TRMT11: variants seen among roughly 807,000 people sequenced by gnomAD.
TRMT11 encodes tRNA methyltransferase 11.
A neutral mutation model predicts 62.8 loss-of-function variants in TRMT11; 53 were observed. The ratio of observed to expected loss-of-function variants is 0.84; its 90% CI spans 0.68 to 1.06. TRMT11 has a LOEUF of 1.06. TRMT11 is among the 50% of genes least tolerant of loss of function. The pLI, the probability that TRMT11 is intolerant of heterozygous loss-of-function variation, is 0.00. For missense variants in TRMT11, 556 were observed against 553.4 expected, an observed-to-expected ratio of 1.00 and a Z score of -0.05; for synonymous variants, 188 against 190.3, an observed-to-expected ratio of 0.99 and a Z score of 0.10.
chr6:126,021,073 ACATCC>A (rs1795738123), intron 11 of TRMT11, 82 bp from the exon 12 acceptor site: 1 of 1,463,384 alleles, frequency 6.8e-7, no homozygotes, highest in Non-Finnish European at 9.4e-7. Flanking sequence ...TAGTGGAAGA[ACATCC>A]CACACTACAC....
the TRMT11 span, among the ~76,000 whole-genome samples, chr6:126,240,803 A>G: frequency 3.7e-4 from 56 of 152,360 alleles, no homozygotes; most frequent in Admixed American, 6.5e-4. Context: ...CCCTGCCCCC[A>G]GAGGCGGAGT....
At chr6:126,072,019 C>G (rs1776873204) in intron 17 of TRMT11, among the ~76,000 whole-genome samples, 1 of 152,136 alleles carries the variant, frequency 6.6e-6, no homozygotes, top group African/African-American at 2.4e-5. Context: ...AATCTGAGCT[C>G]AGTGCTAACT....
chr6:126,006,507 A>G (rs1793373858), intron 7 of TRMT11, among the ~76,000 whole-genome samples: 1 of 151,996 alleles, frequency 6.6e-6, no homozygotes, highest in Non-Finnish European at 1.5e-5. Context: ...CCGAGTTGCT[A>G]GCATAGATCA....
intron 1 of TRMT11, among the ~76,000 whole-genome samples, chr6:126,184,670 C>T (rs73771410): frequency 6.6e-6 from 1 of 151,976 alleles, no homozygotes; most frequent in Admixed American, 6.6e-5. Flanking sequence ...TCCTTCAGAC[C>T]TTCTTGGGCT....
intron 17 of TRMT11, among the ~76,000 whole-genome samples, chr6:126,061,849 G>A (rs1216436796): frequency 6.6e-6 from 1 of 152,030 alleles, no homozygotes; most frequent in Non-Finnish European, 1.5e-5. Flanking sequence ...CCCAAGACCT[G>A]GCTCTTCAGC....
At chr6:126,162,712 T>C (rs542078202) in intron 21 of TRMT11, among the ~76,000 whole-genome samples, 1 of 152,346 alleles carries the variant, frequency 6.6e-6, no homozygotes, top group East Asian at 1.9e-4. Flanking sequence ...TGTTTTTCCA[T>C]TTATTTGTGT....
chr6:125,993,447 C>T (rs974326420), intron 1 of TRMT11, among the ~76,000 whole-genome samples: 10 of 152,262 alleles, frequency 6.6e-5, no homozygotes, highest in Non-Finnish European at 1.3e-4. Context: ...CTTTATTCAT[C>T]AATCGTCAGT....
chr6:126,174,531 C>T (rs1182089238), upstream of TRMT11, among the ~76,000 whole-genome samples: 2 of 152,200 alleles, frequency 1.3e-5, no homozygotes, highest in Non-Finnish European at 2.9e-5. Context: ...TTCCTAACCA[C>T]GCTTGCCTAT....
At chr6:126,235,038 C>A in the TRMT11 span, among the ~76,000 whole-genome samples, 1 of 151,996 alleles carries the variant, frequency 6.6e-6, no homozygotes, top group Non-Finnish European at 1.5e-5. Context: ...AGAAAGTGGG[C>A]AAAGGACATG....
chr6:126,102,302 G>A (rs1171787663), intron 17 of TRMT11, among the ~76,000 whole-genome samples: 2 of 152,106 alleles, frequency 1.3e-5, no homozygotes, highest in East Asian at 1.9e-4. Flanking sequence ...AGAAAAATTC[G>A]CCTGAAGCTG....
intron 21 of TRMT11, among the ~76,000 whole-genome samples, chr6:126,118,615 T>G (rs1480097860): frequency 3.3e-5 from 5 of 152,148 alleles, no homozygotes; most frequent in Non-Finnish European, 5.9e-5. Context: ...TTCCTATTTC[T>G]TGAATACATG....
chr6:126,044,452 C>T (rs987083951), intron 16 of TRMT11, among the ~76,000 whole-genome samples: 3 of 152,304 alleles, frequency 2.0e-5, no homozygotes, highest in African/African-American at 7.2e-5. Flanking sequence ...GTTTTGGTTA[C>T]TGTAGCCTTG....
At chr6:126,251,476 AGT>A in the TRMT11 span, among the ~76,000 whole-genome samples, 4 of 152,186 alleles carry the variant, frequency 2.6e-5, no homozygotes, top group East Asian at 5.8e-4. Flanking sequence ...TTGTGTGAAA[AGT>A]GTTTAAAATT....
intron 17 of TRMT11, among the ~76,000 whole-genome samples, chr6:126,106,936 CA>C (rs59224462): frequency 0.12 from 11,650 of 94,204 alleles, 1,325 homozygotes; most frequent in African/African-American, 0.32. Context: ...CTCTCTCTCT[CA>C]AAAAAAAAAA....
At chr6:126,177,907 C>T (rs943618328) in intron 1 of TRMT11, among the ~76,000 whole-genome samples, 6 of 152,094 alleles carry the variant, frequency 3.9e-5, no homozygotes, top group African/African-American at 1.4e-4. Context: ...GTATCCATCC[C>T]CTTTCCCTTA....
At chr6:126,150,277 A>G (rs1213040458) in intron 21 of TRMT11, among the ~76,000 whole-genome samples, 1 of 152,184 alleles carries the variant, frequency 6.6e-6, no homozygotes, top group African/African-American at 2.4e-5. Context: ...CTCACTAGCA[A>G]GAAAGATTTT....
At chr6:126,123,700 A>G (rs868342835) in intron 21 of TRMT11, among the ~76,000 whole-genome samples, 2 of 152,098 alleles carry the variant, frequency 1.3e-5, no homozygotes, top group South Asian at 4.2e-4. Context: ...TCTGATATTA[A>G]AAAAATAAAG....
intron 9 of TRMT11, 146 bp from the exon 10 acceptor site, chr6:126,012,625 T>C (rs1794379490): frequency 1.7e-6 from 1 of 596,204 alleles, no homozygotes; most frequent in African/African-American, 1.8e-5. Context: ...CCCAAGTCTT[T>C]ATGTTGTACA....
intron 7 of TRMT11, among the ~76,000 whole-genome samples, chr6:126,002,508 A>G (rs1792675783): frequency 6.6e-6 from 1 of 152,084 alleles, no homozygotes; most frequent in African/African-American, 2.4e-5. Context: ...AGAGTTCAGG[A>G]TGTGTTTTCA....
Sources: allele counts gnomAD v4.1 joint callset (sites outside exome capture counted in the v4.1 genomes callset), GRCh38; gene constraint gnomAD v4.1.1; transcripts MANE v1.5; gene names NCBI Gene and HGNC (gene_info 2026-07-23, HGNC 2026-07-21).